Variants in KCNQ1OT1 observed in about 807,000 individuals in gnomAD.
KCNQ1OT1 encodes KCNQ1 opposite strand/antisense transcript 1, also known as KCNQ1 antisense RNA 2 (non-protein coding).
rs1297799707 is a variant in KCNQ1OT1, at chr11:2,652,513, G to A, written n.47482C>T. ...TCCAGAGGTTTCTGGGGAATGTCCT[G>A]TGAGCTCAACTCTTGGAGAAGATAG... On this transcript the variant is annotated non_coding_transcript_exon_variant, in exon 1 of 1. Coordinates refer to ENST00000597346, the Ensembl canonical transcript of KCNQ1OT1. The surrounding 1 kb of genome is among the most constrained non-coding windows in gnomAD (Gnocchi z 5.9). The A allele has an allele frequency of 1.0e-5, 4 of 398,468 alleles. No homozygotes were observed. In the Admixed American group the frequency reaches 1.8e-4, roughly 18 times the overall value. The allele number at this position is 398,468 out of a possible 1,614,324, so 24.7% of individuals were successfully genotyped here. A position where few individuals can be genotyped will look rare whatever the true frequency, so the allele number is the denominator to read the frequency against.
Position 2,674,833 on chromosome 11 carries a change from A to AT in KCNQ1OT1, n.25161_25162insA, listed in dbSNP as rs1850263990. ...CTTGTCACCCTAATAGCTGTTTTTT[A>AT]AAAAAAAAAAAAAAAAAAAAAAAAA... is the stretch of plus-strand genomic sequence containing the variant. On this transcript the variant is annotated non_coding_transcript_exon_variant, in exon 1 of 1. Coordinates refer to ENST00000597346, the Ensembl canonical transcript of KCNQ1OT1. This position sits in a 1 kb window ranked among gnomAD's most constrained non-coding sequence, Gnocchi z 5.9. 1 of 75,920 alleles carries AT rather than the reference A, an allele frequency of 1.3e-5. No homozygotes were observed. Among genetic ancestry groups the AT allele is most frequent in the African/African-American group, 6.4e-5 (1 of 15,718 alleles). 4.7% of individuals were successfully genotyped at this position (75,920 alleles called of 1,614,324 possible). A position where few individuals can be genotyped will look rare whatever the true frequency, so the allele number is the denominator to read the frequency against.
In KCNQ1OT1 at chr11:2,652,034, G is replaced by A. The variant is rs1249454182; in HGVS notation, n.47961C>T. 1.5e-5 allele frequency: 6 copies of A among 398,558 alleles called. No individual in the cohort carries two copies. The highest frequency in any genetic ancestry group is 2.7e-5 in the Non-Finnish European group (6 of 226,098). The allele number at this position is 398,558 out of a possible 1,614,324, so 24.7% of individuals were successfully genotyped here. A position where few individuals can be genotyped will look rare whatever the true frequency, so the allele number is the denominator to read the frequency against. On this transcript the variant is annotated non_coding_transcript_exon_variant, in exon 1 of 1. Coordinates refer to ENST00000597346, the Ensembl canonical transcript of KCNQ1OT1. The surrounding 1 kb of genome is among the most constrained non-coding windows in gnomAD (Gnocchi z 5.9). ...TGATGTTGAGCCTCCCCCCAGTTCT[G>A]GGGTGGCTCTGACTGTGTCCAGGCT... is the stretch of plus-strand genomic sequence containing the variant.
chr11:2,667,354 G>A (rs1250195428), exon 1 of KCNQ1OT1: 3 of 398,756 alleles, frequency 7.5e-6, no homozygotes, highest in African/African-American at 2.1e-5. Flanking sequence ...TCCTCTGCAA[G>A]GGAAAGGCCA....
chr11:2,654,252 T>C lies in KCNQ1OT1; in HGVS notation n.45743A>G, dbSNP rs980322769. 2.5e-5 allele frequency: 10 copies of C among 398,530 alleles called. No homozygotes were observed. Among genetic ancestry groups the C allele is most frequent in the Non-Finnish European group, 4.0e-5 (9 of 226,216 alleles). 24.7% of individuals were successfully genotyped at this position (398,530 alleles called of 1,614,324 possible). ...GGATGCCCCTGGGGAGGGCTTCTCC[T>C]TCACAGTGCAGGATCCGCAGGGCTT... On this transcript the variant is annotated non_coding_transcript_exon_variant, in exon 1 of 1. Transcript: ENST00000597346. The surrounding 1 kb of genome is among the most constrained non-coding windows in gnomAD (Gnocchi z 6.4).
At chr11:2,638,607 A>AT (rs1849518755) in exon 1 of KCNQ1OT1, 1 of 151,850 alleles carries the variant, frequency 6.6e-6, no homozygotes, top group Non-Finnish European at 1.5e-5. Context: ...TGCCCTTAAC[A>AT]TTTTTTCCTT....
exon 1 of KCNQ1OT1, chr11:2,686,427 G>C (rs1436552795): frequency 2.0e-5 from 8 of 398,528 alleles, no homozygotes; most frequent in Admixed American, 4.4e-5. Flanking sequence ...CCTATGCCCA[G>C]AGCCCCTCCA....
rs1466261235 is a variant in KCNQ1OT1, at chr11:2,652,382, T to A, written n.47613A>T. 1 of 398,546 alleles carries A rather than the reference T, an allele frequency of 2.5e-6. No individual in the cohort carries two copies. Among genetic ancestry groups the A allele is most frequent in the East Asian group, 3.6e-5 (1 of 28,092 alleles). 24.7% of individuals were successfully genotyped at this position (398,546 alleles called of 1,614,324 possible). On this transcript the variant is annotated non_coding_transcript_exon_variant, in exon 1 of 1. Transcript: ENST00000597346. The surrounding 1 kb of genome is among the most constrained non-coding windows in gnomAD (Gnocchi z 5.9). ...TGAAGGTGAAAAGATCGCTCTTAAT[T>A]AGATTAAAAACATTTTTTTCTTCCT...
chr11:2,642,646 T>G lies in KCNQ1OT1; in HGVS notation n.57349A>C. On this transcript the variant is annotated non_coding_transcript_exon_variant, in exon 1 of 1. Transcript: ENST00000597346. The surrounding 1 kb of genome is among the most constrained non-coding windows in gnomAD (Gnocchi z 4.3). ...CATTTCATTGATCCTTTATATTTATTTAGTTTCTTGTTTAGTTCTGCTCTG... is the reference window on the plus strand; with the variant it reads ...CATTTCATTGATCCTTTATATTTATGTAGTTTCTTGTTTAGTTCTGCTCTG... The G allele has an allele frequency of 2.5e-6, 1 of 397,970 alleles. No homozygotes were observed. 24.7% of individuals were successfully genotyped at this position (397,970 alleles called of 1,614,324 possible).
At position 2,627,355 on chromosome 11, in the gene KCNQ1OT1, C is replaced by A. The variant is rs1053416459; in HGVS notation, n.72640G>T. On this transcript the variant is annotated non_coding_transcript_exon_variant, in exon 1 of 1. Coordinates refer to ENST00000597346, the Ensembl canonical transcript of KCNQ1OT1. The surrounding 1 kb of genome is among the most constrained non-coding windows in gnomAD (Gnocchi z 4.9). ...TAAGCTATACTCTCTTAGCAAATTC[C>A]AAGTATAGAATATATTAACTATAGT... 1.3e-5 allele frequency: 5 copies of A among 398,412 alleles called. No homozygotes were observed. Among genetic ancestry groups the A allele is most frequent in the Admixed American group, 4.4e-5 (1 of 22,716 alleles). The allele number at this position is 398,412 out of a possible 1,614,324, so 24.7% of individuals were successfully genotyped here.
In KCNQ1OT1 at chr11:2,620,948, G is replaced by GT. The variant is rs58203092; in HGVS notation, n.79046dup. 0.036 allele frequency: 13,926 copies of GT among 385,888 alleles called. 647 individuals are homozygous for GT. The highest frequency in any genetic ancestry group is 0.15 in the African/African-American group (7,031 of 47,484). The allele number at this position is 385,888 out of a possible 1,614,324, so 23.9% of individuals were successfully genotyped here. Reference sequence around the variant, plus strand: ...TTTTTTGTTGTTGTTGTTTTGTTTTGTTTTTTTTTGTCTGTTTTTTGCTTT... The same window carrying GT: ...TTTTTTGTTGTTGTTGTTTTGTTTTGTTTTTTTTTTGTCTGTTTTTTGCTTT... On this transcript the variant is annotated non_coding_transcript_exon_variant, in exon 1 of 1. Transcript: ENST00000597346. The surrounding 1 kb of genome is among the most constrained non-coding windows in gnomAD (Gnocchi z 4.5).
exon 1 of KCNQ1OT1, chr11:2,643,334 G>A (rs911837623): frequency 7.5e-6 from 3 of 398,234 alleles, no homozygotes; most frequent in Non-Finnish European, 8.9e-6. Flanking sequence ...ATATCTGGGT[G>A]CTTTGGTGTT....
At chr11:2,648,994 T>C in exon 1 of KCNQ1OT1, 1 of 393,960 alleles carries the variant, frequency 2.5e-6, no homozygotes, top group Non-Finnish European at 4.4e-6. Context: ...TTTTTTTTTT[T>C]TTTTTTTTTT....
At chr11:2,640,999 A>T (rs1360167019) in exon 1 of KCNQ1OT1, 2 of 398,544 alleles carry the variant, frequency 5.0e-6, no homozygotes, top group East Asian at 3.6e-5. Flanking sequence ...ACATGATTTC[A>T]TTCTTCTTTG....
At chr11:2,699,770 A>T in exon 1 of KCNQ1OT1, 1 of 370,226 alleles carries the variant, frequency 2.7e-6, no homozygotes. Flanking sequence ...CGCGCTGAGG[A>T]GCCCCGAGGA....
chr11:2,628,148 A>G, exon 1 of KCNQ1OT1: 1 of 398,532 alleles, frequency 2.5e-6, no homozygotes, highest in African/African-American at 2.1e-5. Context: ...CCTTAGATAT[A>G]CCCGGAACTG....
exon 1 of KCNQ1OT1, chr11:2,688,994 C>A (rs1850544423): frequency 2.5e-6 from 1 of 398,724 alleles, no homozygotes; most frequent in Non-Finnish European, 4.4e-6. Context: ...AGCAGGGGAG[C>A]CTGCAGGTCC....
chr11:2,679,800 A>G lies in KCNQ1OT1; in HGVS notation n.20195T>C, dbSNP rs1224576086. 2.5e-6 allele frequency: 1 copy of G among 398,532 alleles called. No individual in the cohort carries two copies. The highest frequency in any genetic ancestry group is 4.4e-6 in the Non-Finnish European group (1 of 226,074). The allele number at this position is 398,532 out of a possible 1,614,324, so 24.7% of individuals were successfully genotyped here. A position where few individuals can be genotyped will look rare whatever the true frequency, so the allele number is the denominator to read the frequency against. On this transcript the variant is annotated non_coding_transcript_exon_variant, in exon 1 of 1. Transcript: ENST00000597346. This position sits in a 1 kb window ranked among gnomAD's most constrained non-coding sequence, Gnocchi z 4.8. ...GCCTGTTAGGCCAGTTGAGGGCTAG[A>G]GGAGCACAAGGGGCCAGACTGCTGC...
Position 2,617,219 on chromosome 11 carries a change from T to A in KCNQ1OT1, n.82776A>T, listed in dbSNP as rs1255652416. On this transcript the variant is annotated non_coding_transcript_exon_variant, in exon 1 of 1. Transcript: ENST00000597346. The surrounding 1 kb of genome is among the most constrained non-coding windows in gnomAD (Gnocchi z 4.6). ...ACTTGGTATCCTTTGACCTACATCT[T>A]TCCATTTTCTTCCCCCACACCTTGC... 5.0e-6 allele frequency: 2 copies of A among 398,266 alleles called. No homozygotes were observed. The highest frequency in any genetic ancestry group is 8.9e-6 in the Non-Finnish European group (2 of 225,924). 24.7% of individuals were successfully genotyped at this position (398,266 alleles called of 1,614,324 possible). A position where few individuals can be genotyped will look rare whatever the true frequency, so the allele number is the denominator to read the frequency against.
exon 1 of KCNQ1OT1, chr11:2,646,292 A>G (rs1395332177): frequency 2.0e-5 from 8 of 398,472 alleles, no homozygotes; most frequent in Non-Finnish European, 2.2e-5. Flanking sequence ...GTATATTGCT[A>G]TAGGTAAATA....
Sources: gnomAD v4.1 joint callset for allele counts on GRCh38, gnomAD v4.1.1 for gene constraint, Gnocchi (gnomAD v3.1) non-coding constraint, MANE v1.5 for transcripts, NCBI Gene and HGNC (gene_info 2026-07-23, HGNC 2026-07-21) for gene names.